FILIP1L: variants seen among roughly 807,000 people sequenced by gnomAD.
The protein encoded by FILIP1L is filamin A interacting protein 1 like, also known as filamin A-interacting protein 1-like.
A neutral mutation model predicts 96.6 loss-of-function variants in FILIP1L; 55 were observed. The ratio of observed to expected loss-of-function variants is 0.57; its 90% CI spans 0.46 to 0.71. The LOEUF (loss-of-function observed/expected upper bound fraction) is 0.71, where lower values mean the gene tolerates loss of function less well. Among genes scored for constraint, FILIP1L ranks in the 30% least tolerant of loss-of-function variants. The pLI is 0.00. For missense variants in FILIP1L, 1,304 were observed against 1,321.2 expected (o/e 0.99, Z 0.20); for synonymous variants, 467 against 473.9 (o/e 0.99, Z 0.19).
intron 4 of FILIP1L, among the ~76,000 whole-genome samples, chr3:99,866,825 G>GA (rs1484041985): frequency 6.6e-6 from 1 of 152,166 alleles, no homozygotes; most frequent in Admixed American, 6.5e-5. Flanking sequence ...CAGACAGGTG[G>GA]AAAAGTTTTA....
chr3:99,871,593 G>A (rs1029841553), intron 4 of FILIP1L, among the ~76,000 whole-genome samples: 5 of 152,208 alleles, frequency 3.3e-5, no homozygotes, highest in Non-Finnish European at 4.4e-5. Context: ...GCCTTCATAG[G>A]TGACTTCCTC....
intron 1 of FILIP1L, among the ~76,000 whole-genome samples, chr3:100,078,752 A>G (rs1184280428): frequency 2.6e-5 from 4 of 152,086 alleles, no homozygotes; most frequent in South Asian, 2.1e-4. Flanking sequence ...TTAGCCGAGC[A>G]TCATGGCGGG....
chr3:99,863,000 T>C lies in FILIP1L; in HGVS notation c.606-11930A>G, dbSNP rs181748566. Among the ~76,000 whole-genome samples, 8 of 152,344 alleles carry C rather than the reference T, an allele frequency of 5.3e-5. No individual in the cohort carries two copies. In the East Asian group the frequency reaches 1.3e-3, roughly 26 times the overall value. On this transcript the variant is annotated intron_variant, in intron 4 of 5. Coordinates refer to ENST00000477258, the MANE Select transcript of FILIP1L (RefSeq NM_001387850.1). ...CTGCTCTTCATTTTTTGGATGTGAA[T>C]GTGTACTTTGTCTGCTGGGTTTAGA...
chr3:100,033,422 A>G (rs1385178502), intron 1 of FILIP1L, among the ~76,000 whole-genome samples: 1 of 152,218 alleles, frequency 6.6e-6, no homozygotes, highest in Non-Finnish European at 1.5e-5. Flanking sequence ...TCCCCTTTGA[A>G]AATCACAGCT....
intron 1 of FILIP1L, among the ~76,000 whole-genome samples, chr3:100,068,676 G>A (rs575494187): frequency 2.6e-5 from 4 of 152,174 alleles, no homozygotes; most frequent in Admixed American, 1.3e-4. Context: ...TACCCAGGCT[G>A]GAGTGCAGTT....
chr3:100,041,576 A>G (rs1292214744), intron 1 of FILIP1L, among the ~76,000 whole-genome samples: 3 of 152,204 alleles, frequency 2.0e-5, no homozygotes, highest in African/African-American at 4.8e-5. Context: ...AACTTAGCCA[A>G]ACTAAGGCTA....
intron 1 of FILIP1L, among the ~76,000 whole-genome samples, chr3:99,995,759 GTCTTGTACCC>G (rs1709660066): frequency 6.6e-6 from 1 of 152,226 alleles, no homozygotes; most frequent in African/African-American, 2.4e-5. Flanking sequence ...CAAGGCTTGG[GTCTTGTACCC>G]TCTGAAGCCA....
At chr3:99,872,269 CTG>C (rs55727823) in intron 4 of FILIP1L, among the ~76,000 whole-genome samples, 15,516 of 110,408 alleles carry the variant, frequency 0.14, 773 homozygotes, top group Admixed American at 0.17. Flanking sequence ...TGTGCCAGGA[CTG>C]TGTGTGTGTG....
chr3:100,014,341 C>A (rs115066757), intron 1 of FILIP1L, among the ~76,000 whole-genome samples: 2 of 152,112 alleles, frequency 1.3e-5, no homozygotes, highest in South Asian at 2.1e-4. Flanking sequence ...TATTTCATTT[C>A]TTTTGGCTAT....
intron 1 of FILIP1L, among the ~76,000 whole-genome samples, chr3:99,999,391 G>A (rs760653096): frequency 6.6e-6 from 1 of 152,208 alleles, no homozygotes; most frequent in Non-Finnish European, 1.5e-5. Context: ...GTGTGCAATA[G>A]TAGTTGTATT....
At chr3:99,841,195 G>T (rs192530292) in intron 5 of FILIP1L, among the ~76,000 whole-genome samples, 1 of 152,190 alleles carries the variant, frequency 6.6e-6, no homozygotes, top group African/African-American at 2.4e-5. Context: ...CATAAGGATC[G>T]TTTCCACTCA....
intron 1 of FILIP1L, among the ~76,000 whole-genome samples, chr3:99,936,874 A>G (rs1027345120): frequency 1.3e-5 from 2 of 152,176 alleles, no homozygotes; most frequent in African/African-American, 2.4e-5. Context: ...CATTTATGAA[A>G]TGAAGCCCTA....
Position 99,893,355 on chromosome 3 carries a change from C to T in FILIP1L, c.605+30875G>A, listed in dbSNP as rs538175171. ...TAATTTTTTGTATTTTTAGTGGAGA[C>T]GGGGTTTCACTGTATTAGCCAGAAT... On this transcript the variant is annotated intron_variant, in intron 4 of 5. Transcript: ENST00000477258. Among the ~76,000 whole-genome samples, 47 of 151,930 alleles carry T rather than the reference C, an allele frequency of 3.1e-4. No individual in the cohort carries two copies. The South Asian group carries it at 4.6e-3, about 15-fold the overall frequency.
chr3:100,032,575 T>C (rs1256154982), intron 1 of FILIP1L, among the ~76,000 whole-genome samples: 2 of 152,156 alleles, frequency 1.3e-5, no homozygotes, highest in African/African-American at 4.8e-5. Flanking sequence ...TCACAGAAAA[T>C]GCATTTTGTA....
At chr3:100,056,300 A>C (rs2065462770) in intron 1 of FILIP1L, among the ~76,000 whole-genome samples, 1 of 152,232 alleles carries the variant, frequency 6.6e-6, no homozygotes, top group South Asian at 2.1e-4. Flanking sequence ...ACAAGTCTCC[A>C]ATGCATCCTT....
intron 1 of FILIP1L, among the ~76,000 whole-genome samples, chr3:99,965,342 T>G (rs1349023787): frequency 2.6e-5 from 4 of 152,224 alleles, no homozygotes; most frequent in Admixed American, 2.0e-4. Context: ...TTCTTACTGG[T>G]GCAGGCTGTC....
At chr3:100,104,789 A>G (rs1351724144) in intron 1 of FILIP1L, among the ~76,000 whole-genome samples, 1 of 152,182 alleles carries the variant, frequency 6.6e-6, no homozygotes, top group East Asian at 1.9e-4. Flanking sequence ...GGATGAAAAG[A>G]GTCACCCCTG....
In FILIP1L at chr3:99,833,143, A is replaced by G. The variant is rs1447803132; in HGVS notation, c.3382-2538T>C. On this transcript the variant is annotated intron_variant, in intron 5 of 5. Transcript: ENST00000477258. Reference sequence around the variant, plus strand: ...ATTAAGCAAGTTGGAAAGCTCATTCATAGAAGAAAACGATTTTTTAATAAA... The same window carrying G: ...ATTAAGCAAGTTGGAAAGCTCATTCGTAGAAGAAAACGATTTTTTAATAAA... 6.1e-6 allele frequency: 7 copies of G among 1,154,012 alleles called. No individual in the cohort carries two copies. The Admixed American group carries it at 1.1e-4, about 19-fold the overall frequency. The allele number at this position is 1,154,012 out of a possible 1,614,324, so 71.5% of individuals were successfully genotyped here. A position where few individuals can be genotyped will look rare whatever the true frequency, so the allele number is the denominator to read the frequency against.
rs1942588130 is a variant in FILIP1L at position 99,828,833 on chromosome 3, C to T, written c.*1581G>A. 6.6e-6 allele frequency among the ~76,000 whole-genome samples: 1 copy of T among 152,044 alleles called. No homozygotes were observed. The highest frequency in any genetic ancestry group is 6.6e-5 in the Admixed American group (1 of 15,260). On this transcript the variant is annotated 3_prime_UTR_variant, in exon 6 of 6. Coordinates refer to ENST00000477258, the MANE Select transcript of FILIP1L (RefSeq NM_001387850.1). ...TTCACTTCGACTTTTCCATTTCAGG[C>T]TTTTAATTCACTTGACCTCCCCCTA...
Sources: allele counts gnomAD v4.1 joint callset (sites outside exome capture counted in the v4.1 genomes callset), GRCh38; gene constraint gnomAD v4.1.1; transcripts MANE v1.5; gene names NCBI Gene and HGNC (gene_info 2026-07-23, HGNC 2026-07-21).